Variants in UTRN observed in about 807,000 individuals in gnomAD.
The protein encoded by UTRN is dystrophin-related protein 1.
A neutral mutation model predicts 463.9 loss-of-function variants in UTRN; 283 were observed. That is an observed-to-expected ratio of 0.61 (90% confidence interval 0.55 to 0.67). The LOEUF is 0.67. Ranked by LOEUF, UTRN falls within the 30% of genes least tolerant of loss-of-function variation. The pLI is 0.00. For synonymous variants in UTRN, 1,442 were observed against 1,431.5 expected (o/e 1.01, Z -0.17); for missense variants, 3,922 against 4,084.3 (o/e 0.96, Z 1.08).
intron 51 of UTRN, among the ~76,000 whole-genome samples, chr6:144,664,471 C>CAT (rs1554330099): frequency 1.4e-5 from 2 of 141,264 alleles, no homozygotes; most frequent in South Asian, 4.4e-4. Flanking sequence ...TGTTGTCTTA[C>CAT]TTTTTTTTTT....
chr6:144,610,721 A>G (rs990481519), intron 51 of UTRN, among the ~76,000 whole-genome samples: 2 of 152,170 alleles, frequency 1.3e-5, no homozygotes, highest in African/African-American at 4.8e-5. Flanking sequence ...CTAAAAATAC[A>G]AAAATTAGCC....
At chr6:144,343,516 T>C (rs35325795) in intron 2 of UTRN, among the ~76,000 whole-genome samples, 23,104 of 151,634 alleles carry the variant, frequency 0.15, 5,382 homozygotes, top group African/African-American at 0.5. Context: ...GCTGAGATCA[T>C]GCCATTGCAC....
At chr6:144,680,547 T>G (rs571331874) in intron 52 of UTRN, among the ~76,000 whole-genome samples, 53 of 152,292 alleles carry the variant, frequency 3.5e-4, no homozygotes, top group African/African-American at 1.2e-3. Flanking sequence ...CTCAAGAGAT[T>G]CAAGCACTTA....
At chr6:144,594,959 T>G (rs773083684) in intron 51 of UTRN, among the ~76,000 whole-genome samples, 1 of 152,214 alleles carries the variant, frequency 6.6e-6, no homozygotes, top group Non-Finnish European at 1.5e-5. Flanking sequence ...TTGAGTTTTC[T>G]TAGTACTATC....
intron 27 of UTRN, among the ~76,000 whole-genome samples, chr6:144,484,234 T>A (rs1488038012): frequency 6.6e-6 from 1 of 152,084 alleles, no homozygotes; most frequent in Non-Finnish European, 1.5e-5. Context: ...AACTCCAGTT[T>A]TGGTAAAATG....
chr6:144,807,159 T>G (rs1778223180), intron 65 of UTRN, among the ~76,000 whole-genome samples: 1 of 152,106 alleles, frequency 6.6e-6, no homozygotes, highest in Non-Finnish European at 1.5e-5. Context: ...CCAGTCACCT[T>G]ACTGACTTCA....
chr6:144,345,206 C>T (rs1017713768), intron 2 of UTRN, among the ~76,000 whole-genome samples: 1 of 152,168 alleles, frequency 6.6e-6, no homozygotes, highest in Non-Finnish European at 1.5e-5. Flanking sequence ...CTCTGCAGAG[C>T]AAATTCAAAC....
At chr6:144,489,302 C>T (rs902783080) in intron 30 of UTRN, among the ~76,000 whole-genome samples, 9 of 152,048 alleles carry the variant, frequency 5.9e-5, no homozygotes, top group African/African-American at 9.7e-5. Context: ...CTGCCTGCCT[C>T]GGCCTCCCAA....
At chr6:144,735,285 G>A (rs550886358) in intron 54 of UTRN, among the ~76,000 whole-genome samples, 1 of 152,310 alleles carries the variant, frequency 6.6e-6, no homozygotes, top group East Asian at 1.9e-4. Flanking sequence ...TAGTCTTAGG[G>A]GTATGGACAG....
At chr6:144,731,165 ACTTTT>A (rs1788473271) in intron 54 of UTRN, among the ~76,000 whole-genome samples, 1 of 151,768 alleles carries the variant, frequency 6.6e-6, no homozygotes, top group Non-Finnish European at 1.5e-5. Flanking sequence ...GAGACCAAAT[ACTTTT>A]CTTTTACAAG....
intron 55 of UTRN, 37 bp downstream of exon 55, chr6:144,748,551 G>A: frequency 6.3e-7 from 1 of 1,589,416 alleles, no homozygotes; most frequent in Non-Finnish European, 8.5e-7. Flanking sequence ...TTTAAGAAAT[G>A]TTTTCTTGTT....
At chr6:144,831,482 A>G (rs764435653) in intron 69 of UTRN, among the ~76,000 whole-genome samples, 11 of 152,140 alleles carry the variant, frequency 7.2e-5, no homozygotes, top group Non-Finnish European at 1.2e-4. Flanking sequence ...ATAATCTCCT[A>G]TGAACCCTAG....
At chr6:144,799,367 G>A in intron 64 of UTRN, 1 of 453,292 alleles carries the variant, frequency 2.2e-6, no homozygotes, top group Non-Finnish European at 4.6e-6. Context: ...AGGAGGAAAA[G>A]ACAGGTAGGT....
chr6:144,823,848 T>C (rs1440523253), intron 66 of UTRN, among the ~76,000 whole-genome samples: 1 of 152,090 alleles, frequency 6.6e-6, no homozygotes, highest in Non-Finnish European at 1.5e-5. Flanking sequence ...AAAAGTAAAA[T>C]AGACACCTCT....
chr6:144,613,847 A>G (rs936654837), intron 51 of UTRN, among the ~76,000 whole-genome samples: 5 of 152,128 alleles, frequency 3.3e-5, no homozygotes, highest in Non-Finnish European at 7.4e-5. Flanking sequence ...ATTCTCTTGT[A>G]TTTTGTAAAA....
chr6:144,430,041 C>T (rs1219703528), intron 9 of UTRN, among the ~76,000 whole-genome samples: 2 of 152,108 alleles, frequency 1.3e-5, no homozygotes, highest in Non-Finnish European at 2.9e-5. Context: ...CATCTGGTTG[C>T]CAGCTTTTAT....
chr6:144,485,223 C>T (rs893239045), intron 27 of UTRN, among the ~76,000 whole-genome samples, 162 bp from the exon 28 acceptor site: 5 of 151,960 alleles, frequency 3.3e-5, no homozygotes, highest in African/African-American at 1.2e-4. Flanking sequence ...CACGCCTGGC[C>T]GATTTTATTT....
intron 41 of UTRN, among the ~76,000 whole-genome samples, chr6:144,523,780 A>T (rs1796331107): frequency 6.6e-6 from 1 of 152,236 alleles, no homozygotes; most frequent in African/African-American, 2.4e-5. Flanking sequence ...ATTTTTCATT[A>T]ATGTTCACTT....
At chr6:144,300,572 C>A (rs770134904) in intron 2 of UTRN, among the ~76,000 whole-genome samples, 7 of 152,106 alleles carry the variant, frequency 4.6e-5, no homozygotes, top group South Asian at 2.1e-4. Context: ...GATAAAATAA[C>A]CTTCAGAGTG....
Sources: gnomAD v4.1 joint callset for allele counts (sites outside exome capture counted in the v4.1 genomes callset) on GRCh38, gnomAD v4.1.1 for gene constraint, MANE v1.5 for transcripts, NCBI Gene and HGNC (gene_info 2026-07-23, HGNC 2026-07-21) for gene names.